BAIAP2L2: variants seen among roughly 807,000 people sequenced by gnomAD.
The protein encoded by BAIAP2L2 is BAR/IMD domain-containing adapter protein 2-like 2.
A neutral mutation model predicts 60.4 loss-of-function variants in BAIAP2L2; 65 were observed. The observed-to-expected ratio is 1.08, with a 90% confidence interval of 0.88 to 1.32. The LOEUF (loss-of-function observed/expected upper bound fraction) is 1.32, where lower values mean the gene tolerates loss of function less well. BAIAP2L2 is among the 40% of genes most tolerant of loss of function. BAIAP2L2 has a pLI of 0.00. For missense variants in BAIAP2L2, 836 were observed against 741.2 expected (o/e 1.13, Z -1.48); for synonymous variants, 344 against 301.7 (o/e 1.14, Z -1.45).
At chr22:38,110,376 A>T in intron 1 of BAIAP2L2, 99 bp downstream of exon 1, 1 of 1,245,862 alleles carries the variant, frequency 8.0e-7, no homozygotes. Flanking sequence ...TTTCCAGGAC[A>T]TCTGTAGCCC....
Position 38,086,238 on chromosome 22 carries a change from T to C in BAIAP2L2, c.1467+4A>G. The C allele has an allele frequency of 6.2e-7, 1 of 1,610,478 alleles. No individual in the cohort carries two copies. Among genetic ancestry groups the C allele is most frequent in the Non-Finnish European group, 8.5e-7 (1 of 1,179,468 alleles). Reference sequence around the variant, plus strand: ...GCCCCAAGAGAGGGCGGGCAAGGGCTCACCTTGACGTCAGTGGCAACTGCT... The same window carrying C: ...GCCCCAAGAGAGGGCGGGCAAGGGCCCACCTTGACGTCAGTGGCAACTGCT... On this transcript the variant is annotated splice_donor_region_variant and intron_variant, in intron 12 of 13. Coordinates refer to ENST00000381669, the MANE Select transcript of BAIAP2L2 (RefSeq NM_025045.6).
At chr22:38,086,579 CTG>C (rs2086080897) in intron 11 of BAIAP2L2, 130 bp from the exon 12 acceptor site, 14 of 699,050 alleles carry the variant, frequency 2.0e-5, no homozygotes, top group Non-Finnish European at 3.0e-5. Context: ...TGAAAGGAGA[CTG>C]TTGACCGGAG....
intron 2 of BAIAP2L2, 21 bp downstream of exon 2, chr22:38,109,112 G>A (rs773759057): frequency 1.9e-6 from 3 of 1,600,460 alleles, no homozygotes; most frequent in African/African-American, 2.7e-5. Context: ...CTGGGGCTCG[G>A]TGGCCCGGGC....
chr22:38,098,051 C>G lies in BAIAP2L2; in HGVS notation c.465+12G>C, dbSNP rs1333899719. ...CCCTTCCTGGCCCACCCCCGCTTCC[C>G]GGCCCTCGCACCTTCATCTCCCGCA... is the stretch of plus-strand genomic sequence containing the variant. On this transcript the variant is annotated intron_variant, in intron 6 of 13. Transcript: ENST00000381669. 1 of 1,564,062 alleles carries G rather than the reference C, an allele frequency of 6.4e-7. No individual in the cohort carries two copies. Among genetic ancestry groups the G allele is most frequent in the Non-Finnish European group, 8.8e-7 (1 of 1,142,432 alleles).
At position 38,098,396 on chromosome 22, in the gene BAIAP2L2, G is replaced by A. The variant is rs2146005413; in HGVS notation, c.348+15C>T. The A allele has an allele frequency of 1.2e-6, 2 of 1,611,936 alleles. No individual in the cohort carries two copies. Among genetic ancestry groups the A allele is most frequent in the East Asian group, 2.2e-5 (1 of 44,810 alleles). On this transcript the variant is annotated intron_variant, in intron 5 of 13. Transcript: ENST00000381669. ...CTGCAGTGAGTTGGGGGCCGAGTGGGGAGGCCAGACTCACTTTGATGAACT... is the reference window on the plus strand; with the variant it reads ...CTGCAGTGAGTTGGGGGCCGAGTGGAGAGGCCAGACTCACTTTGATGAACT...
intron 1 of BAIAP2L2, 119 bp from the exon 2 acceptor site, chr22:38,109,327 C>G (rs2086740860): frequency 2.5e-6 from 2 of 800,346 alleles, no homozygotes; most frequent in South Asian, 1.6e-5. Context: ...GTGAGAAGCC[C>G]CAGACTTTGG....
At chr22:38,086,712 C>T (rs1237055605) in intron 11 of BAIAP2L2, among the ~76,000 whole-genome samples, 1 of 152,064 alleles carries the variant, frequency 6.6e-6, no homozygotes, top group Non-Finnish European at 1.5e-5. Flanking sequence ...CTGCACCTTG[C>T]CACCTGGGTG....
chr22:38,109,229 A>C, intron 1 of BAIAP2L2, 21 bp from the exon 2 acceptor site: 1 of 1,587,618 alleles, frequency 6.3e-7, no homozygotes, highest in Non-Finnish European at 8.6e-7. Context: ...GGGTCAGGGG[A>C]GGAAAAAGGT....
Position 38,086,437 on chromosome 22 carries a change from G to T in BAIAP2L2, c.1272C>A (p.Leu424=), listed in dbSNP as rs1267818627. Residue 424 remains leucine, a synonymous_variant, in exon 12 of 14, where the codon CTC becomes CTA. Transcript: ENST00000381669. ...GGTCATCGAGGCTGTGGCTGCCCCGGAGTGGGTAGGACCTAAGTCCAGAGA... is the reference window on the plus strand; with the variant it reads ...GGTCATCGAGGCTGTGGCTGCCCCGTAGTGGGTAGGACCTAAGTCCAGAGA... ...GNELPSRSYP[L]RGSHSLDDLL... is the part of the protein sequence containing the mutation. 6.6e-7 allele frequency: 1 copy of T among 1,508,784 alleles called. No individual in the cohort carries two copies. Among genetic ancestry groups the T allele is most frequent in the Non-Finnish European group, 8.9e-7 (1 of 1,123,070 alleles). 93.5% of individuals were successfully genotyped at this position (1,508,784 alleles called of 1,614,324 possible).
rs375481523 is a variant in BAIAP2L2, at chr22:38,097,287, T to C, written c.466-109A>G. On this transcript the variant is annotated intron_variant, in intron 6 of 13. Coordinates refer to ENST00000381669, the MANE Select transcript of BAIAP2L2 (RefSeq NM_025045.6). ...CCCCCTGTTCTTCCTGACTGCCCTC[T>C]CCCCAAGCCCACCCCCCATCACCCG... is the stretch of plus-strand genomic sequence containing the variant. The C allele has an allele frequency of 9.3e-3, 11,732 of 1,264,042 alleles. 362 individuals carry two copies. In the East Asian group the frequency reaches 0.099, roughly 11 times the overall value. 78.3% of individuals were successfully genotyped at this position (1,264,042 alleles called of 1,614,324 possible).
rs200330597 is a variant in BAIAP2L2, at chr22:38,098,155, C to G, written c.373G>C (p.Glu125Gln). ...AGGTTGGCCGCTCGGTGGCGGTACT[C>G]GAGCTCATAGTGCTGGCGGCTGTCC... is the stretch of plus-strand genomic sequence containing the variant. ...IKDSRQHYEL[E>Q]YRHRAANLEK... Residue 125 changes from glutamate (E) to glutamine (Q), a missense_variant, in exon 6 of 14, where the codon GAG (glutamate) becomes CAG (glutamine). Glu to Gln is a conservative substitution (Grantham distance 29). Coordinates refer to ENST00000381669, the MANE Select transcript of BAIAP2L2 (RefSeq NM_025045.6). 42 of 1,614,064 alleles carry G rather than the reference C, an allele frequency of 2.6e-5. No individual in the cohort carries two copies. The highest frequency in any genetic ancestry group is 3.5e-5 in the Non-Finnish European group (41 of 1,180,028).
At chr22:38,088,711 TCAACCCACCC>T in intron 10 of BAIAP2L2, 27 bp downstream of exon 10, 4 of 1,543,446 alleles carry the variant, frequency 2.6e-6, no homozygotes, top group South Asian at 1.2e-5. Context: ...GGCCTTCTTC[TCAACCCACCC>T]CCGGCCCCTC....
rs748554012 is a variant in BAIAP2L2 at position 38,088,756 on chromosome 22, G to GC, written c.1109dup (p.Ser371LeufsTer62). 3.8e-6 allele frequency: 6 copies of GC among 1,598,016 alleles called. No homozygotes were observed. The South Asian group carries it at 5.5e-5, about 15-fold the overall frequency. ...CCAAGGCTCCCACTCACGCGGACGA[G>GC]CCCTCCAGCTTGCCGTAGAGCCAGC... On this transcript the variant is annotated frameshift_variant, in exon 10 of 14. Coordinates refer to ENST00000381669, the MANE Select transcript of BAIAP2L2 (RefSeq NM_025045.6). LOFTEE classifies it high-confidence loss of function.
chr22:38,086,418 C>T lies in BAIAP2L2; in HGVS notation c.1291G>A (p.Asp431Asn), dbSNP rs377442253. ...TTGCCCGGCCGGTCCAGGAGGTCAT[C>T]GAGGCTGTGGCTGCCCCGGAGTGGG... ...SYPLRGSHSL[D>N]DLLDRPGNSI... The change falls in exon 12 of 14, where the codon GAT (aspartate) becomes AAT (asparagine). Residue 431 changes from aspartate to asparagine, a missense_variant. Physicochemically the swap from Asp to Asn is conservative, Grantham distance 23. Coordinates refer to ENST00000381669, the MANE Select transcript of BAIAP2L2 (RefSeq NM_025045.6). The T allele has an allele frequency of 1.5e-4, 231 of 1,525,228 alleles. No individual in the cohort carries two copies. Among genetic ancestry groups the T allele is most frequent in the Admixed American group, 5.2e-4 (26 of 50,176 alleles). 94.5% of individuals were successfully genotyped at this position (1,525,228 alleles called of 1,614,324 possible).
Position 38,085,178 on chromosome 22 carries a change from A to T in BAIAP2L2, c.*122T>A. The stretch of plus-strand genomic sequence containing the variant: ...GCTGCCGGGGTGGTCTGGGGAGGGC[A>T]GCCACCCCCCGTCTCAGGGACCCGC... On this transcript the variant is annotated 3_prime_UTR_variant, in exon 14 of 14. Transcript: ENST00000381669. 1 of 1,072,968 alleles carries T rather than the reference A, an allele frequency of 9.3e-7. No homozygotes were observed. Among genetic ancestry groups the T allele is most frequent in the Non-Finnish European group, 1.4e-6 (1 of 736,726 alleles). The allele number at this position is 1,072,968 out of a possible 1,614,324, so 66.5% of individuals were successfully genotyped here. A position where few individuals can be genotyped will look rare whatever the true frequency, so the allele number is the denominator to read the frequency against.
Position 38,087,006 on chromosome 22 carries a change from AAACAAAACAAAAC to A in BAIAP2L2, c.1259+105_1259+117del, listed in dbSNP as rs1165502138. 1.4e-5 allele frequency: 17 copies of A among 1,242,830 alleles called. No homozygotes were observed. In the African/African-American group the frequency reaches 2.9e-4, roughly 21 times the overall value. The allele number at this position is 1,242,830 out of a possible 1,614,324, so 77.0% of individuals were successfully genotyped here. On this transcript the variant is annotated intron_variant, in intron 11 of 13. Coordinates refer to ENST00000381669, the MANE Select transcript of BAIAP2L2 (RefSeq NM_025045.6). ...GTGAGACTCTGTCTCAAAAAAAAAA[AAACAAAACAAAAC>A]AAAAAAACAAAAAAACAAGCCTGCA...
chr22:38,100,694 T>C (rs1012372249), intron 4 of BAIAP2L2, among the ~76,000 whole-genome samples: 3 of 152,224 alleles, frequency 2.0e-5, no homozygotes, highest in Non-Finnish European at 4.4e-5. Context: ...TAAGTAGATG[T>C]TGGTGCCATG....
rs1345178291 is a variant in BAIAP2L2, at chr22:38,109,199, C to T, written c.61G>A (p.Glu21Lys). The T allele has an allele frequency of 6.2e-7, 1 of 1,611,834 alleles. No individual in the cohort carries two copies. Among genetic ancestry groups the T allele is most frequent in the Admixed American group, 1.7e-5 (1 of 59,968 alleles). ...STMAIYKSIM[E>K]QFNPALENLV... is the part of the protein sequence containing the mutation. ...TTCTCCAGGGCGGGGTTAAACTGCT[C>T]CATGATGCTCTGGACCCCAGGGTCA... Residue 21 changes from glutamate (E) to lysine (K), a missense_variant, in exon 2 of 14, where the codon GAG (glutamate) becomes AAG (lysine). Transcript: ENST00000381669.
At chr22:38,094,887 C>T (rs139276203) in intron 7 of BAIAP2L2, among the ~76,000 whole-genome samples, 2,883 of 152,180 alleles carry the variant, frequency 0.019, 98 homozygotes, top group African/African-American at 0.065. Context: ...CGTGGTGGCT[C>T]ATGCCTGTAA....
Sources: gnomAD v4.1 joint callset for allele counts (sites outside exome capture counted in the v4.1 genomes callset) on GRCh38, gnomAD v4.1.1 for gene constraint, MANE v1.5 for transcripts, NCBI Gene and HGNC (gene_info 2026-07-23, HGNC 2026-07-21) for gene names.